ANK2: variants seen among roughly 807,000 people sequenced by gnomAD.
ANK2 encodes ankyrin-2.
A neutral mutation model predicts 360.5 loss-of-function variants in ANK2; 83 were observed. That is an observed-to-expected ratio of 0.23 (90% CI 0.19 to 0.28). ANK2 has a LOEUF of 0.28. Among genes scored for constraint, ANK2 ranks in the 10% least tolerant of loss-of-function variants. The probability of loss-of-function intolerance (pLI) is 1.00; values close to 1 mark genes in which losing one functional copy is unlikely to be tolerated. For missense variants in ANK2, 4,201 were observed against 4,795.7 expected (o/e 0.88, Z 3.66); for synonymous variants, 1,740 against 1,759.5 (o/e 0.99, Z 0.28).
chr4:113,356,633 A>T lies in ANK2; in HGVS notation c.8015A>T (p.Gln2672Leu). 1 of 1,614,130 alleles carries T rather than the reference A, an allele frequency of 6.2e-7. No homozygotes were observed. Among genetic ancestry groups the T allele is most frequent in the Non-Finnish European group, 8.5e-7 (1 of 1,179,986 alleles). The change falls in exon 38 of 46, where the codon CAG (glutamine) becomes CTG (leucine). Residue 2672 changes from glutamine (Q) to leucine (L), a missense_variant. By Grantham distance (113) the Gln-to-Leu change is moderately radical. Transcript: ENST00000357077. ...TCAGAAAGTGAACCTGAGTTGGCACAGCTTAAAAAAGGTGCTGACTCAGGC... is the reference window on the plus strand; with the variant it reads ...TCAGAAAGTGAACCTGAGTTGGCACTGCTTAAAAAAGGTGCTGACTCAGGC... ...SSSESEPELAQLKKGADSGLL... is the reference protein window; with the variant it reads ...SSSESEPELALLKKGADSGLL...
chr4:113,114,232 C>T (rs2094553375), intron 1 of ANK2, among the ~76,000 whole-genome samples: 1 of 152,210 alleles, frequency 6.6e-6, no homozygotes, highest in African/African-American at 2.4e-5. Flanking sequence ...CCTTGGCCCT[C>T]CTGCCCTTGA....
At chr4:112,819,719 A>C (rs2056440700) in intron 1 of ANK2, among the ~76,000 whole-genome samples, 2 of 152,176 alleles carry the variant, frequency 1.3e-5, no homozygotes, top group African/African-American at 4.8e-5. Context: ...AAGCCATATA[A>C]AATGAAGACA....
At chr4:113,323,935 C>A in intron 26 of ANK2, 1 of 651,448 alleles carries the variant, frequency 1.5e-6, no homozygotes, top group Non-Finnish European at 2.4e-6. Flanking sequence ...TGATGTTCTC[C>A]AAATTGTGGC....
At chr4:113,285,739 G>C (rs1456041280) in intron 18 of ANK2, among the ~76,000 whole-genome samples, 1 of 152,310 alleles carries the variant, frequency 6.6e-6, no homozygotes, top group African/African-American at 2.4e-5. Context: ...GGATGGGACT[G>C]TCTCTCTCAG....
chr4:112,858,616 T>C (rs1261049694), intron 1 of ANK2, among the ~76,000 whole-genome samples: 2 of 152,214 alleles, frequency 1.3e-5, no homozygotes, highest in East Asian at 1.9e-4. Flanking sequence ...AGTTCATGCA[T>C]TGACTGAAAC....
In ANK2 at chr4:113,333,711, T is replaced by C. The variant is rs146059772; in HGVS notation, c.3379+503T>C. Among the ~76,000 whole-genome samples, 150 of 152,320 alleles carry C rather than the reference T, an allele frequency of 9.8e-4. 1 individual carries two copies. Among genetic ancestry groups the C allele is most frequent in the African/African-American group, 3.0e-3 (126 of 41,574 alleles). On this transcript the variant is annotated intron_variant, in intron 29 of 45. Coordinates refer to ENST00000357077, the MANE Select transcript of ANK2 (RefSeq NM_001148.6). ...TTATAGAATACTATAATTTTTAAAC[T>C]ATTATTAAGGGGGTAGGAAAATTAA...
chr4:113,362,886 T>C (rs1171179281), intron 39 of ANK2, among the ~76,000 whole-genome samples: 1 of 152,178 alleles, frequency 6.6e-6, no homozygotes, highest in Non-Finnish European at 1.5e-5. Context: ...CACCATAATA[T>C]AGCTACAACT....
intron 1 of ANK2, among the ~76,000 whole-genome samples, chr4:113,170,310 G>A (rs906057132): frequency 1.3e-5 from 2 of 152,212 alleles, no homozygotes; most frequent in Non-Finnish European, 2.9e-5. Context: ...ATGTTAATAT[G>A]CTACTGACTG....
At chr4:113,118,636 C>T (rs10023704) in intron 1 of ANK2, among the ~76,000 whole-genome samples, 3 of 152,024 alleles carry the variant, frequency 2.0e-5, no homozygotes, top group African/African-American at 7.2e-5. Flanking sequence ...GGAAAACTTT[C>T]ATACTGCTTG....
intron 1 of ANK2, among the ~76,000 whole-genome samples, chr4:112,886,435 C>T (rs370893117): frequency 1.3e-5 from 2 of 151,936 alleles, no homozygotes; most frequent in South Asian, 2.1e-4. Flanking sequence ...GAGGCCGAGG[C>T]GGGCAGATCA....
At chr4:112,810,713 G>T in the ANK2 span, among the ~76,000 whole-genome samples, 1 of 151,432 alleles carries the variant, frequency 6.6e-6, no homozygotes, top group Non-Finnish European at 1.5e-5. Context: ...CACCTCGCTC[G>T]GCTAATTTTT....
At position 113,079,384 on chromosome 4, in the gene ANK2, G is replaced by A. The variant is rs542409331; in HGVS notation, c.84+29572G>A. On this transcript the variant is annotated intron_variant, in intron 1 of 45. Coordinates refer to ENST00000357077, the MANE Select transcript of ANK2 (RefSeq NM_001148.6). ...TTCTGGCCATGTACTGTGAGGCTGT[G>A]TTTGAGGTTGTCCCCGTAGGTACTC... is the stretch of plus-strand genomic sequence containing the variant. Among the ~76,000 whole-genome samples the A allele has an allele frequency of 9.1e-4, 139 of 152,294 alleles. 2 individuals are homozygous for A. Among genetic ancestry groups the A allele is most frequent in the Middle Eastern group, 3.4e-3 (1 of 294 alleles).
intron 2 of ANK2, among the ~76,000 whole-genome samples, chr4:112,970,574 T>G (rs1043302142): frequency 1.3e-5 from 2 of 152,168 alleles, no homozygotes; most frequent in African/African-American, 4.8e-5. Flanking sequence ...CAGGCTTGTC[T>G]CGAGCTCCTG....
At chr4:113,074,114 A>G (rs1257747583) in intron 1 of ANK2, among the ~76,000 whole-genome samples, 1 of 152,206 alleles carries the variant, frequency 6.6e-6, no homozygotes, top group African/African-American at 2.4e-5. Context: ...ATTATTGGTA[A>G]TATATCTGTA....
At chr4:113,038,071 A>C (rs1038804182) in intron 2 of ANK2, among the ~76,000 whole-genome samples, 1 of 151,956 alleles carries the variant, frequency 6.6e-6, no homozygotes. Context: ...CTTTTGTTTC[A>C]TTTTTAAGCT....
At chr4:113,009,999 A>T (rs902719928) in intron 2 of ANK2, among the ~76,000 whole-genome samples, 1 of 151,934 alleles carries the variant, frequency 6.6e-6, no homozygotes, top group Admixed American at 6.6e-5. Context: ...TTTGGGAATT[A>T]GGCAGAAGTT....
At chr4:113,196,277 T>C in intron 2 of ANK2, 91 bp from the exon 3 acceptor site, 4 of 950,384 alleles carry the variant, frequency 4.2e-6, no homozygotes, top group Non-Finnish European at 6.7e-6. Flanking sequence ...TCAGAGTCTG[T>C]CTGTTCTCTG....
At chr4:113,088,298 C>T (rs762840138) in intron 1 of ANK2, among the ~76,000 whole-genome samples, 2 of 152,076 alleles carry the variant, frequency 1.3e-5, no homozygotes, top group Non-Finnish European at 2.9e-5. Flanking sequence ...TGCTGAGGTC[C>T]TTTTGTTAGT....
chr4:112,992,025 T>C (rs1027654355), intron 2 of ANK2, among the ~76,000 whole-genome samples: 1 of 152,192 alleles, frequency 6.6e-6, no homozygotes, highest in African/African-American at 2.4e-5. Flanking sequence ...TCCTTCCAAC[T>C]TGCCCTCGTC....
Sources: gnomAD v4.1 joint callset for allele counts (sites outside exome capture counted in the v4.1 genomes callset) on GRCh38, gnomAD v4.1.1 for gene constraint, MANE v1.5 for transcripts, NCBI Gene and HGNC (gene_info 2026-07-23, HGNC 2026-07-21) for gene names.